MBNL1: variants seen among roughly 807,000 people sequenced by gnomAD.
MBNL1 encodes muscleblind like splicing regulator 1, also known as muscleblind-like protein 1.
A neutral mutation model predicts 42.2 loss-of-function variants in MBNL1; 8 were observed. That is an observed-to-expected ratio of 0.19 (90% CI 0.11 to 0.34). The LOEUF is 0.34. MBNL1 is among the 10% of genes least tolerant of loss of function. The probability of loss-of-function intolerance (pLI) is 1.00; values close to 1 mark genes in which losing one functional copy is unlikely to be tolerated. For synonymous variants in MBNL1, 169 were observed against 173.9 expected (o/e 0.97, Z 0.22); for missense variants, 309 against 495.3 (o/e 0.62, Z 3.57).
At chr3:152,304,189 A>G (rs550235666) in intron 2 of MBNL1, among the ~76,000 whole-genome samples, 1 of 144,728 alleles carries the variant, frequency 6.9e-6, no homozygotes, top group Admixed American at 6.8e-5. Flanking sequence ...AGCACTCAAA[A>G]TCAGTAAGGC....
At chr3:152,435,252 G>C (rs2099063088) in intron 4 of MBNL1, among the ~76,000 whole-genome samples, 2 of 152,048 alleles carry the variant, frequency 1.3e-5, no homozygotes, top group Admixed American at 1.3e-4. Context: ...TCAATCTTCT[G>C]TGTATGGCTA....
At chr3:152,458,342 G>T in intron 8 of MBNL1, 1 of 637,326 alleles carries the variant, frequency 1.6e-6, no homozygotes, top group Non-Finnish European at 2.7e-6. Context: ...TGTTGAATTA[G>T]CCTAAGATGT....
At chr3:152,273,188 T>G (rs557524055) in intron 1 of MBNL1, among the ~76,000 whole-genome samples, 2 of 152,264 alleles carry the variant, frequency 1.3e-5, no homozygotes, top group Admixed American at 1.3e-4. Context: ...CACTAATGGT[T>G]GGAGAATTAT....
chr3:152,409,499 T>C (rs1234937128), intron 2 of MBNL1, among the ~76,000 whole-genome samples: 1 of 151,888 alleles, frequency 6.6e-6, no homozygotes, highest in African/African-American at 2.4e-5. Flanking sequence ...TTTCAATAGC[T>C]AACTACCAAA....
intron 2 of MBNL1, among the ~76,000 whole-genome samples, chr3:152,378,866 G>C (rs1444397990): frequency 6.6e-6 from 1 of 152,056 alleles, no homozygotes; most frequent in African/African-American, 2.4e-5. Flanking sequence ...ACAGGCACAT[G>C]CCACCATGCC....
intron 2 of MBNL1, among the ~76,000 whole-genome samples, chr3:152,307,975 G>A (rs1466400074): frequency 6.6e-6 from 1 of 152,092 alleles, no homozygotes; most frequent in Non-Finnish European, 1.5e-5. Context: ...AAAATATATG[G>A]CCATATAGGA....
At chr3:152,369,436 T>C (rs2096566752) in intron 2 of MBNL1, among the ~76,000 whole-genome samples, 1 of 152,226 alleles carries the variant, frequency 6.6e-6, no homozygotes, top group Non-Finnish European at 1.5e-5. Flanking sequence ...GATATTCACA[T>C]TGAAGTTCAT....
At chr3:152,397,445 A>G (rs2098015755) in intron 2 of MBNL1, among the ~76,000 whole-genome samples, 1 of 151,952 alleles carries the variant, frequency 6.6e-6, no homozygotes, top group South Asian at 2.1e-4. Flanking sequence ...CTTACACTTG[A>G]GAATGTGCAG....
intron 2 of MBNL1, among the ~76,000 whole-genome samples, chr3:152,306,828 A>C (rs2063396424): frequency 6.6e-6 from 1 of 152,182 alleles, no homozygotes; most frequent in African/African-American, 2.4e-5. Flanking sequence ...TTGAAGAGAT[A>C]CCACTTTTGA....
chr3:152,314,750 A>G (rs547320867), intron 2 of MBNL1, among the ~76,000 whole-genome samples: 113 of 152,342 alleles, frequency 7.4e-4, no homozygotes, highest in African/African-American at 2.6e-3. Context: ...ATAGGAGAGC[A>G]TGTACTTTTT....
chr3:152,462,041 A>G (rs773007303), intron 9 of MBNL1, among the ~76,000 whole-genome samples: 4 of 152,178 alleles, frequency 2.6e-5, no homozygotes, highest in Non-Finnish European at 5.9e-5. Flanking sequence ...ATTAAACTTC[A>G]GAAAAGAAGT....
At chr3:152,461,707 T>G (rs979367768) in intron 9 of MBNL1, among the ~76,000 whole-genome samples, 17 of 152,230 alleles carry the variant, frequency 1.1e-4, no homozygotes, top group Non-Finnish European at 2.4e-4. Flanking sequence ...AAGCATACTT[T>G]TAATATATGT....
chr3:152,293,594 T>G (rs1016872710), intron 1 of MBNL1, among the ~76,000 whole-genome samples: 3 of 152,216 alleles, frequency 2.0e-5, no homozygotes, highest in African/African-American at 7.2e-5. Flanking sequence ...AGGGTGAAGT[T>G]AGCCATCTCT....
Position 152,405,025 on chromosome 3 carries a change from T to C in MBNL1, c.175-9916T>C, listed in dbSNP as rs2098389528. On this transcript the variant is annotated intron_variant, in intron 2 of 9. Transcript: ENST00000324210. Reference sequence around the variant, plus strand: ...GTAAATTGAAATTTACAAAAGCATCTAAATTTTTCCCATTACACTTTGGAA... The same window carrying C: ...GTAAATTGAAATTTACAAAAGCATCCAAATTTTTCCCATTACACTTTGGAA... Among the ~76,000 whole-genome samples, 2 of 152,142 alleles carry C rather than the reference T, an allele frequency of 1.3e-5. 1 individual carries two copies. The highest frequency in any genetic ancestry group is 4.1e-4 in the South Asian group (2 of 4,836).
chr3:152,285,119 A>G (rs1333137510), intron 1 of MBNL1, among the ~76,000 whole-genome samples: 1 of 152,104 alleles, frequency 6.6e-6, no homozygotes, highest in East Asian at 1.9e-4. Flanking sequence ...TCTAGAATCA[A>G]TATTCAGGGG....
chr3:152,351,639 T>C (rs1233465536), intron 2 of MBNL1, among the ~76,000 whole-genome samples: 6 of 152,172 alleles, frequency 3.9e-5, no homozygotes, highest in Admixed American at 3.9e-4. Flanking sequence ...GGTTTTAAGG[T>C]AGTGGGCTTG....
intron 2 of MBNL1, among the ~76,000 whole-genome samples, chr3:152,312,804 G>C (rs2067630957): frequency 6.6e-6 from 1 of 151,916 alleles, no homozygotes; most frequent in Admixed American, 6.6e-5. Context: ...ATTGTGTTTT[G>C]GTATTTTCTG....
intron 2 of MBNL1, among the ~76,000 whole-genome samples, chr3:152,353,902 T>G (rs1170678400): frequency 6.6e-6 from 1 of 152,058 alleles, no homozygotes; most frequent in Admixed American, 6.5e-5. Flanking sequence ...GAGCATAAAT[T>G]TTATCTTCTT....
intron 2 of MBNL1, among the ~76,000 whole-genome samples, chr3:152,412,532 G>A (rs1322036481): frequency 6.6e-6 from 1 of 152,006 alleles, no homozygotes; most frequent in Non-Finnish European, 1.5e-5. Context: ...AGCATAGAAA[G>A]GTACCATAGA....
Sources: allele counts gnomAD v4.1 joint callset (sites outside exome capture counted in the v4.1 genomes callset), GRCh38; gene constraint gnomAD v4.1.1; transcripts MANE v1.5; gene names NCBI Gene and HGNC (gene_info 2026-07-23, HGNC 2026-07-21).